Variants in ADAMTS12 observed in about 807,000 individuals in gnomAD.
ADAMTS12 encodes the protein ADAM metallopeptidase with thrombospondin type 1 motif 12.
ADAMTS12 carries 118 observed loss-of-function variants against 167.8 expected under a neutral mutation model. That is an observed-to-expected ratio of 0.70 (90% CI 0.61 to 0.82). The LOEUF is 0.82. Among genes scored for constraint, ADAMTS12 ranks in the 40% least tolerant of loss-of-function variants. The pLI is 0.00. For missense variants in ADAMTS12, 1,916 were observed against 1,998.8 expected (o/e 0.96, Z 0.79); for synonymous variants, 704 against 716.9 (o/e 0.98, Z 0.29).
chr5:33,819,938 A>G (rs577437958), intron 2 of ADAMTS12, among the ~76,000 whole-genome samples: 24 of 152,272 alleles, frequency 1.6e-4, no homozygotes, highest in African/African-American at 5.8e-4. Context: ...TCTTGCTGCC[A>G]TTTTGTATTT....
intron 4 of ADAMTS12, among the ~76,000 whole-genome samples, chr5:33,683,347 C>T (rs1742200556): frequency 6.6e-6 from 1 of 152,102 alleles, no homozygotes; most frequent in Non-Finnish European, 1.5e-5. Flanking sequence ...TTTCTTAACC[C>T]AGCCCACAGT....
intron 3 of ADAMTS12, among the ~76,000 whole-genome samples, chr5:33,709,508 T>C (rs1743318449): frequency 6.6e-6 from 1 of 152,148 alleles, no homozygotes; most frequent in Non-Finnish European, 1.5e-5. Context: ...ATATACACCA[T>C]GGAATACTAT....
chr5:33,868,665 T>A (rs1407229334), intron 2 of ADAMTS12, among the ~76,000 whole-genome samples: 2 of 152,156 alleles, frequency 1.3e-5, no homozygotes, highest in Non-Finnish European at 2.9e-5. Flanking sequence ...AGCAAAGAAA[T>A]GACTTGGAAC....
chr5:33,792,807 C>T (rs561944067), intron 2 of ADAMTS12, among the ~76,000 whole-genome samples: 15 of 152,322 alleles, frequency 9.8e-5, no homozygotes, highest in Non-Finnish European at 1.9e-4. Flanking sequence ...GAGTGTGAGC[C>T]GAACTCCAAC....
At chr5:33,714,079 T>G (rs2112322818) in intron 3 of ADAMTS12, among the ~76,000 whole-genome samples, 1 of 152,236 alleles carries the variant, frequency 6.6e-6, no homozygotes, top group African/African-American at 2.4e-5. Context: ...TTAGAGTCTT[T>G]CAGGAGTTGG....
chr5:33,547,070 G>A (rs772883498), intron 21 of ADAMTS12, among the ~76,000 whole-genome samples: 1 of 152,142 alleles, frequency 6.6e-6, no homozygotes, highest in African/African-American at 2.4e-5. Flanking sequence ...CCAGCTTTGA[G>A]AATCAACATC....
In ADAMTS12 at chr5:33,578,926, G is replaced by C. The variant is rs911638445; in HGVS notation, c.2866-1766C>G. 2.6e-5 allele frequency among the ~76,000 whole-genome samples: 4 copies of C among 152,122 alleles called. 1 individual carries two copies. The South Asian group carries it at 8.3e-4, about 32-fold the overall frequency. ...AAGTCACTCCAAGATGGAACTTCCA[G>C]ATTTGTTTTGAAATAATAATAATAA... On this transcript the variant is annotated intron_variant, in intron 18 of 23. Transcript: ENST00000504830.
intron 16 of ADAMTS12, among the ~76,000 whole-genome samples, chr5:33,605,239 C>A (rs983828701): frequency 2.0e-5 from 3 of 152,128 alleles, no homozygotes; most frequent in African/African-American, 7.2e-5. Context: ...TAAAGAGCTC[C>A]ACATTTGTAC....
intron 2 of ADAMTS12, among the ~76,000 whole-genome samples, chr5:33,871,494 G>C (rs1750036630): frequency 6.6e-6 from 1 of 151,684 alleles, no homozygotes; most frequent in South Asian, 2.1e-4. Context: ...TATATAAAAA[G>C]AATTGTACAC....
At chr5:33,855,572 C>A (rs546398853) in intron 2 of ADAMTS12, among the ~76,000 whole-genome samples, 102 of 152,254 alleles carry the variant, frequency 6.7e-4, no homozygotes, top group African/African-American at 2.4e-3. Flanking sequence ...GGTGGTTAAA[C>A]AGGGAAACGA....
At chr5:33,863,509 GA>G (rs1749699584) in intron 2 of ADAMTS12, among the ~76,000 whole-genome samples, 1 of 152,116 alleles carries the variant, frequency 6.6e-6, no homozygotes, top group African/African-American at 2.4e-5. Context: ...CCTCTTCAAA[GA>G]GAACCACAAA....
intron 12 of ADAMTS12, among the ~76,000 whole-genome samples, chr5:33,635,953 G>A (rs79695603): frequency 0.02 from 2,975 of 152,260 alleles, 93 homozygotes; most frequent in African/African-American, 0.068. Context: ...AGGTCAGCAG[G>A]TGGCAAACTT....
At chr5:33,696,434 A>AAAC in intron 3 of ADAMTS12, among the ~76,000 whole-genome samples, 1 of 151,560 alleles carries the variant, frequency 6.6e-6, no homozygotes, top group African/African-American at 2.4e-5. Flanking sequence ...AAAAAAAAAA[A>AAAC]AAATTATAAT....
At chr5:33,587,734 C>T (rs1371941744) in intron 18 of ADAMTS12, among the ~76,000 whole-genome samples, 1 of 152,140 alleles carries the variant, frequency 6.6e-6, no homozygotes, top group African/African-American at 2.4e-5. Flanking sequence ...TTACAGGTGC[C>T]TGTCCAGTGG....
At chr5:33,864,005 C>G (rs1749719001) in intron 2 of ADAMTS12, among the ~76,000 whole-genome samples, 1 of 152,090 alleles carries the variant, frequency 6.6e-6, no homozygotes, top group South Asian at 2.1e-4. Context: ...TAGCCATATG[C>G]AGAAAACTGA....
intron 2 of ADAMTS12, among the ~76,000 whole-genome samples, chr5:33,836,416 C>T (rs1019006340): frequency 6.6e-6 from 1 of 152,186 alleles, no homozygotes; most frequent in African/African-American, 2.4e-5. Context: ...GGGTAAAGAT[C>T]AGCTGCAAAA....
At chr5:33,884,972 A>T (rs1171533789) in intron 1 of ADAMTS12, among the ~76,000 whole-genome samples, 1 of 152,228 alleles carries the variant, frequency 6.6e-6, no homozygotes, top group Non-Finnish European at 1.5e-5. Context: ...ATGAATTCTG[A>T]ATAAAATGTT....
At chr5:33,555,848 C>T (rs1280982004) in intron 20 of ADAMTS12, among the ~76,000 whole-genome samples, 2 of 152,152 alleles carry the variant, frequency 1.3e-5, no homozygotes, top group African/African-American at 4.8e-5. Flanking sequence ...GGCAGTACTA[C>T]CACCCACAGT....
intron 16 of ADAMTS12, among the ~76,000 whole-genome samples, chr5:33,613,144 C>A (rs1738815222): frequency 6.6e-6 from 1 of 152,106 alleles, no homozygotes; most frequent in Non-Finnish European, 1.5e-5. Flanking sequence ...GCTACATCAC[C>A]AATTCTGGCA....
Sources: gnomAD v4.1 joint callset for allele counts (sites outside exome capture counted in the v4.1 genomes callset) on GRCh38, gnomAD v4.1.1 for gene constraint, MANE v1.5 for transcripts, NCBI Gene and HGNC (gene_info 2026-07-23, HGNC 2026-07-21) for gene names.